RYR3: variants seen among roughly 807,000 people sequenced by gnomAD.
RYR3 encodes the protein brain ryanodine receptor-calcium release channel.
Under a neutral mutation model 584.3 loss-of-function variants are expected in RYR3, and 207 were observed. That is an observed-to-expected ratio of 0.35 (90% CI 0.32 to 0.40). The LOEUF (loss-of-function observed/expected upper bound fraction) is 0.40. Among genes scored for constraint, RYR3 ranks in the 10% least tolerant of loss-of-function variants. The pLI, the probability that RYR3 is intolerant of heterozygous loss-of-function variation, is 1.00. For missense variants in RYR3, 5,616 were observed against 6,089.2 expected (o/e 0.92, Z 2.59); for synonymous variants, 2,416 against 2,248.5 (o/e 1.07, Z -2.11).
rs149232622 is a variant in RYR3, at chr15:33,804,703, C to A, written c.10011+2742C>A. On this transcript the variant is annotated intron_variant, in intron 69 of 103. Coordinates refer to ENST00000634891, the MANE Select transcript of RYR3 (RefSeq NM_001036.6). ...GGAACTACATACTGAGGGGTTAGGG[C>A]AGGAGTATTCTTCCTTATCAGTTGA... Among the ~76,000 whole-genome samples the A allele has an allele frequency of 1.8e-4, 28 of 152,310 alleles. No individual in the cohort carries two copies. The East Asian group carries it at 5.4e-3, about 29-fold the overall frequency.
At position 33,834,948 on chromosome 15, in the gene RYR3, G is replaced by A. The variant is rs753521773; in HGVS notation, c.11464-20G>A. 17 of 1,605,344 alleles carry A rather than the reference G, an allele frequency of 1.1e-5. No individual in the cohort carries two copies. The highest frequency in any genetic ancestry group is 6.7e-5 in the Admixed American group (4 of 59,912). On this transcript the variant is annotated intron_variant, in intron 86 of 103. Coordinates refer to ENST00000634891, the MANE Select transcript of RYR3 (RefSeq NM_001036.6). Reference sequence around the variant, plus strand: ...AACTTGTGATGTTTAAGTGACATAAGAATGTCCTCTTCTCTGCAGGGCCCT... The same window carrying A: ...AACTTGTGATGTTTAAGTGACATAAAAATGTCCTCTTCTCTGCAGGGCCCT...
chr15:33,396,428 C>T lies in RYR3; in HGVS notation c.52-76991C>T, dbSNP rs115803518. On this transcript the variant is annotated intron_variant, in intron 1 of 103. Transcript: ENST00000634891. ...ATCTTCTGGCCTCTGCCTGCCCACC[C>T]GAGGGACACTTCCTCTGCTCTTGAG... Among the ~76,000 whole-genome samples, 312 of 152,300 alleles carry T rather than the reference C, an allele frequency of 2.0e-3. 1 individual carries two copies. Among genetic ancestry groups the T allele is most frequent in the African/African-American group, 7.0e-3 (291 of 41,558 alleles).
At chr15:33,541,976 T>C (rs576179556) in intron 7 of RYR3, among the ~76,000 whole-genome samples, 1 of 152,272 alleles carries the variant, frequency 6.6e-6, no homozygotes, top group Admixed American at 6.5e-5. Flanking sequence ...TTTTTTATTT[T>C]CACCATAGGA....
At chr15:33,466,753 A>G (rs2142143796) in intron 1 of RYR3, among the ~76,000 whole-genome samples, 1 of 152,344 alleles carries the variant, frequency 6.6e-6, no homozygotes, top group East Asian at 1.9e-4. Flanking sequence ...TTTATACATA[A>G]GCATATTTGT....
At chr15:33,669,854 G>GGGGGGT (rs2063723567) in intron 37 of RYR3, among the ~76,000 whole-genome samples, 1 of 35,994 alleles carries the variant, frequency 2.8e-5, no homozygotes, top group African/African-American at 8.0e-5. Flanking sequence ...GGGGGGGGGG[G>GGGGGGT]GGGGTGTGGG....
intron 93 of RYR3, among the ~76,000 whole-genome samples, chr15:33,845,915 G>A (rs1468807647): frequency 1.3e-5 from 2 of 152,194 alleles, no homozygotes; most frequent in Non-Finnish European, 2.9e-5. Flanking sequence ...TCTGTGAGAT[G>A]ACTGGCACAT....
chr15:33,654,158 C>T (rs1381087325), intron 32 of RYR3, among the ~76,000 whole-genome samples: 1 of 152,076 alleles, frequency 6.6e-6, no homozygotes, highest in Non-Finnish European at 1.5e-5. Context: ...CACTCCATCA[C>T]AAGCAGTCAG....
intron 93 of RYR3, among the ~76,000 whole-genome samples, chr15:33,845,286 CTT>C (rs1348351563): frequency 2.6e-5 from 4 of 152,122 alleles, no homozygotes; most frequent in South Asian, 2.1e-4. Flanking sequence ...GGGTTTCGCT[CTT>C]GTCTCGCAGG....
chr15:33,457,408 A>T (rs575991212), intron 1 of RYR3, among the ~76,000 whole-genome samples: 8 of 152,240 alleles, frequency 5.3e-5, no homozygotes, highest in Non-Finnish European at 7.3e-5. Flanking sequence ...AATACTATTC[A>T]GCCATAAAGA....
intron 20 of RYR3, 66 bp from the exon 21 acceptor site, chr15:33,628,405 G>T: frequency 8.6e-7 from 1 of 1,168,118 alleles, no homozygotes; most frequent in Non-Finnish European, 1.3e-6. Context: ...GGGGTGCCCA[G>T]CTCCTATAGA....
chr15:33,747,376 CT>C (rs34350928), intron 53 of RYR3, among the ~76,000 whole-genome samples: 16,357 of 94,918 alleles, frequency 0.17, 903 homozygotes, highest in East Asian at 0.25. Context: ...AAAGAGAAAT[CT>C]TTTTTTTTTT....
At chr15:33,591,453 T>A (rs965639595) in intron 16 of RYR3, among the ~76,000 whole-genome samples, 6 of 152,206 alleles carry the variant, frequency 3.9e-5, no homozygotes, top group African/African-American at 1.4e-4. Flanking sequence ...TGTTGAAGGT[T>A]TAATAAATGA....
At chr15:33,728,566 G>T (rs1413553802) in intron 46 of RYR3, among the ~76,000 whole-genome samples, 2 of 152,060 alleles carry the variant, frequency 1.3e-5, no homozygotes, top group Admixed American at 1.3e-4. Context: ...GATTTTTTTG[G>T]ATTTTGCAAT....
At chr15:33,783,713 T>C (rs1369345495) in intron 65 of RYR3, among the ~76,000 whole-genome samples, 3 of 152,192 alleles carry the variant, frequency 2.0e-5, no homozygotes, top group African/African-American at 7.2e-5. Flanking sequence ...AACCTCAAGG[T>C]AGAATGTTTG....
At chr15:33,319,765 G>T (rs927618767) in intron 1 of RYR3, among the ~76,000 whole-genome samples, 1 of 152,170 alleles carries the variant, frequency 6.6e-6, no homozygotes, top group Non-Finnish European at 1.5e-5. Flanking sequence ...TCCTCCAGGA[G>T]AACTAGATAT....
rs1246327055 is a variant in RYR3, at chr15:33,412,359, T to C, written c.52-61060T>C. ...TTCTCAAGCTGAATTTGGGCTTTGA[T>C]GCCACTCTTCTCAGTGGGAGACAAA... On this transcript the variant is annotated intron_variant, in intron 1 of 103. Transcript: ENST00000634891. The surrounding 1 kb of genome is among the most constrained non-coding windows in gnomAD (Gnocchi z 4.3). Among the ~76,000 whole-genome samples, 5 of 152,162 alleles carry C rather than the reference T, an allele frequency of 3.3e-5. No homozygotes were observed. Among genetic ancestry groups the C allele is most frequent in the Non-Finnish European group, 7.4e-5 (5 of 68,026 alleles).
At position 33,660,344 on chromosome 15, in the gene RYR3, G is replaced by A; in HGVS notation, c.4543G>A (p.Val1515Met). Residue 1515 changes from valine to methionine, a missense_variant, in exon 34 of 104, where the codon GTG becomes ATG. Transcript: ENST00000634891. ...NSFLKVETER[V>M]SERHGWVVQC... ...CTTCCTGAAGGTGGAGACCGAGCGT[G>A]TGAGCGAGCGCCACGGCTGGGTGGT... The A allele has an allele frequency of 1.3e-6, 2 of 1,592,586 alleles. No homozygotes were observed. Among genetic ancestry groups the A allele is most frequent in the Non-Finnish European group, 1.7e-6 (2 of 1,169,984 alleles).
chr15:33,683,286 G>A (rs140867908), intron 38 of RYR3, among the ~76,000 whole-genome samples: 278 of 151,240 alleles, frequency 1.8e-3, no homozygotes, highest in African/African-American at 6.3e-3. Flanking sequence ...GAGCCACCGC[G>A]CCCAGCCGAG....
At chr15:33,505,073 G>T (rs899427697) in intron 3 of RYR3, among the ~76,000 whole-genome samples, 2 of 152,174 alleles carry the variant, frequency 1.3e-5, no homozygotes, top group Non-Finnish European at 2.9e-5. Flanking sequence ...GAAACTGTTT[G>T]CAGTTACCTA....
Sources: gnomAD v4.1 joint callset for allele counts (sites outside exome capture counted in the v4.1 genomes callset) on GRCh38, gnomAD v4.1.1 for gene constraint, Gnocchi (gnomAD v3.1) non-coding constraint, MANE v1.5 for transcripts, NCBI Gene and HGNC (gene_info 2026-07-23, HGNC 2026-07-21) for gene names.